KIF1B: variants seen among roughly 807,000 people sequenced by gnomAD.
The protein encoded by KIF1B is kinesin-like protein KIF1B.
In KIF1B, 76 loss-of-function variants were observed where a neutral mutation model predicts 241.9. The ratio of observed to expected loss-of-function variants is 0.31; its 90% confidence interval spans 0.26 to 0.38. The LOEUF (loss-of-function observed/expected upper bound fraction) is 0.38, where lower values mean the gene tolerates loss of function less well. Among genes scored for constraint, KIF1B ranks in the 10% least tolerant of loss-of-function variants. The probability of loss-of-function intolerance (pLI) is 1.00; values close to 1 mark genes in which losing one functional copy is unlikely to be tolerated. For synonymous variants in KIF1B, 750 were observed against 796.7 expected (o/e 0.94, Z 0.99); for missense variants, 1,622 against 2,271.4 (o/e 0.71, Z 5.81).
Position 10,300,237 on chromosome 1 carries a change from A to AAATAATAATAATAATAATAAT in KIF1B, c.2115+3002_2115+3022dup, listed in dbSNP as rs367822978. ...GGGTGATAAAGCTAGACTCAGTGTC[A>AAATAATAATAATAATAATAAT]AATAATAATAATAATAATAATAATA... On this transcript the variant is annotated intron_variant, in intron 22 of 48. Transcript: ENST00000676179. Among the ~76,000 whole-genome samples, 1,053 of 143,900 alleles carry AAATAATAATAATAATAATAAT rather than the reference A, an allele frequency of 7.3e-3. 5 individuals carry two copies. The highest frequency in any genetic ancestry group is 0.012 in the South Asian group (54 of 4,538). 94.4% of individuals were successfully genotyped at this position (143,900 alleles called of 152,430 possible).
Position 10,378,250 on chromosome 1 carries a change from G to C in KIF1B, c.*1663G>C. On this transcript the variant is annotated 3_prime_UTR_variant, in exon 49 of 49. Transcript: ENST00000676179. The stretch of plus-strand genomic sequence containing the variant: ...GCCCGGGCCCCAGGCTTTGTTGCGT[G>C]TTCCCTGCTCCTCTCCATCTGGTGT... 1 of 709,272 alleles carries C rather than the reference G, an allele frequency of 1.4e-6. No individual in the cohort carries two copies. The highest frequency in any genetic ancestry group is 2.6e-6 in the Non-Finnish European group (1 of 381,778). 43.9% of individuals were successfully genotyped at this position (709,272 alleles called of 1,614,324 possible).
In KIF1B at chr1:10,321,807, G is replaced by T. The variant is rs138671330; in HGVS notation, c.2308G>T (p.Ala770Ser). The T allele has an allele frequency of 3.1e-6, 5 of 1,614,092 alleles. No homozygotes were observed. The highest frequency in any genetic ancestry group is 4.2e-6 in the Non-Finnish European group (5 of 1,180,034). The change falls in exon 24 of 49, where the codon GCC becomes TCC. Residue 770 changes from alanine (A) to serine (S), a missense_variant. By Grantham distance (99) the Ala-to-Ser change is moderately conservative. This residue lies in a region of KIF1B where 803 missense variants were observed against 1,112.0 expected (regional missense o/e 0.72). Transcript: ENST00000676179. The part of the protein sequence containing the change: ...TSLRDLLWGN[A>S]VYLKEANAIS... ...ATTACGGGACTTACTCTGGGGCAAT[G>T]CCGTGTACCTAAAGGAGGCCAATGC...
At chr1:10,247,296 T>C (rs1647234851) in intron 2 of KIF1B, among the ~76,000 whole-genome samples, 1 of 152,248 alleles carries the variant, frequency 6.6e-6, no homozygotes, top group Non-Finnish European at 1.5e-5. Context: ...CTGGTCTTGC[T>C]GTTCCTTAAA....
chr1:10,316,379 G>C (rs80314023), intron 22 of KIF1B, among the ~76,000 whole-genome samples: 2,912 of 151,748 alleles, frequency 0.019, 51 homozygotes, highest in Non-Finnish European at 0.028. Context: ...CCAGCTCTCT[G>C]CATTGTAAAT....
intron 37 of KIF1B, among the ~76,000 whole-genome samples, chr1:10,350,390 T>C (rs2102332096): frequency 6.6e-6 from 1 of 151,830 alleles, no homozygotes; most frequent in Admixed American, 6.6e-5. Context: ...AAACCCCGTC[T>C]CTACTAAAAA....
Position 10,374,469 on chromosome 1 carries a change from A to G in KIF1B, c.5096+4A>G. 1 of 1,614,176 alleles carries G rather than the reference A, an allele frequency of 6.2e-7. No individual in the cohort carries two copies. The highest frequency in any genetic ancestry group is 8.5e-7 in the Non-Finnish European group (1 of 1,180,026). On this transcript the variant is annotated splice_donor_region_variant and intron_variant, in intron 46 of 48. Transcript: ENST00000676179. The surrounding 1 kb of genome is among the most constrained non-coding windows in gnomAD (Gnocchi z 4.3). The stretch of plus-strand genomic sequence containing the variant: ...ATATTGAAGAAATTAGACCAAGGTG[A>G]GTACTATATTGAGCAGGAATGCCAG...
At chr1:10,371,936 T>TA (rs1435837385) in intron 45 of KIF1B, among the ~76,000 whole-genome samples, 10 of 151,502 alleles carry the variant, frequency 6.6e-5, no homozygotes, top group Non-Finnish European at 1.0e-4. Flanking sequence ...ACCCTGTCCC[T>TA]AAAAAAAATA....
intron 8 of KIF1B, 77 bp downstream of exon 8, chr1:10,271,656 C>A: frequency 1.0e-6 from 1 of 966,942 alleles, no homozygotes; most frequent in Non-Finnish European, 1.7e-6. Flanking sequence ...TTTATTGAAA[C>A]ACAGCTACAT....
At chr1:10,342,807 C>T (rs1292977037) in intron 33 of KIF1B, among the ~76,000 whole-genome samples, 1 of 152,092 alleles carries the variant, frequency 6.6e-6, no homozygotes, top group African/African-American at 2.4e-5. Flanking sequence ...TTCTACACTG[C>T]AAATAGTCAT....
intron 1 of KIF1B, among the ~76,000 whole-genome samples, chr1:10,216,964 T>C (rs934541097): frequency 6.6e-5 from 3 of 45,226 alleles, no homozygotes; most frequent in Non-Finnish European, 1.4e-4. Context: ...TTTCTTTTTT[T>C]TTTTTTTTTT....
intron 2 of KIF1B, among the ~76,000 whole-genome samples, chr1:10,247,588 G>A (rs1255536843): frequency 6.6e-6 from 1 of 152,210 alleles, no homozygotes; most frequent in Non-Finnish European, 1.5e-5. Flanking sequence ...TTTACTTTAT[G>A]CTAGGCCTTG....
At position 10,297,191 on chromosome 1, in the gene KIF1B, T is replaced by A; in HGVS notation, c.2060T>A (p.Ile687Asn). 1.2e-6 allele frequency: 2 copies of A among 1,612,938 alleles called. No individual in the cohort carries two copies. The highest frequency in any genetic ancestry group is 1.7e-6 in the Non-Finnish European group (2 of 1,179,486). Residue 687 changes from isoleucine to asparagine, a missense_variant, in exon 22 of 49, where the codon ATC becomes AAC. Physicochemically the swap from Ile to Asn is moderately radical, Grantham distance 149. Around this residue, in one of 7 missense-constraint regions of KIF1B, gnomAD observed 803 missense variants for 1,112.0 expected, o/e 0.72. Coordinates refer to ENST00000676179, the MANE Select transcript of KIF1B (RefSeq NM_001365951.3). ...ACTTCTAGGCTACAGGAAATGGAGA[T>A]CTTATACAAAAAGGAGAAGGAAGAA... ...EMEKRLQEME[I>N]LYKKEKEEAD... is the part of the protein sequence containing the mutation.
At chr1:10,339,986 C>T (rs893465072) in intron 32 of KIF1B, 127 bp downstream of exon 32, 17 of 816,070 alleles carry the variant, frequency 2.1e-5, no homozygotes, top group Admixed American at 1.2e-4. Flanking sequence ...CAATAGAGGG[C>T]GTGGCTAGAG....
At chr1:10,370,768 G>A (rs1265816561) in intron 44 of KIF1B, among the ~76,000 whole-genome samples, 2 of 151,866 alleles carry the variant, frequency 1.3e-5, no homozygotes, top group Admixed American at 6.6e-5. Context: ...CACTTAGGCC[G>A]TAAAATATTT....
At chr1:10,341,228 T>A (rs968189186) in intron 32 of KIF1B, among the ~76,000 whole-genome samples, 1 of 152,260 alleles carries the variant, frequency 6.6e-6, no homozygotes, top group Non-Finnish European at 1.5e-5. Context: ...AAGGGAAAGT[T>A]ATTTCTATTA....
chr1:10,355,027 A>C (rs1468506669), intron 38 of KIF1B, among the ~76,000 whole-genome samples: 1 of 152,258 alleles, frequency 6.6e-6, no homozygotes, highest in African/African-American at 2.4e-5. Flanking sequence ...TCCTACATTT[A>C]TGTTAATGCA....
chr1:10,295,752 G>A lies in KIF1B; in HGVS notation c.1763G>A (p.Ser588Asn), dbSNP rs1650229917. Reference sequence around the variant, plus strand: ...CATTGTATCTTCCGGAGTGAGAGAAGCAACAGCGGGGAAGGTGAGCATTCC... The same window carrying A: ...CATTGTATCTTCCGGAGTGAGAGAAACAACAGCGGGGAAGGTGAGCATTCC... ...EEHCIFRSERSNSGEVIVTLE... is the reference protein window; with the variant it reads ...EEHCIFRSERNNSGEVIVTLE... The change falls in exon 19 of 49, where the codon AGC becomes AAC. Residue 588 changes from serine to asparagine, a missense_variant. Coordinates refer to ENST00000676179, the MANE Select transcript of KIF1B (RefSeq NM_001365951.3). The A allele has an allele frequency of 6.2e-7, 1 of 1,613,382 alleles. No homozygotes were observed. Among genetic ancestry groups the A allele is most frequent in the Non-Finnish European group, 8.5e-7 (1 of 1,179,554 alleles).
At chr1:10,243,864 T>C (rs887358000) in intron 2 of KIF1B, among the ~76,000 whole-genome samples, 1 of 152,200 alleles carries the variant, frequency 6.6e-6, no homozygotes, top group African/African-American at 2.4e-5. Flanking sequence ...TCAGTTTACA[T>C]GTCTTTGGGC....
chr1:10,252,198 C>A (rs1186890768), intron 2 of KIF1B, among the ~76,000 whole-genome samples: 1 of 152,068 alleles, frequency 6.6e-6, no homozygotes, highest in African/African-American at 2.4e-5. Context: ...TGCCACCATG[C>A]CTCGCTAACT....
Sources: allele counts gnomAD v4.1 joint callset (sites outside exome capture counted in the v4.1 genomes callset), GRCh38; gene constraint gnomAD v4.1.1; regional missense constraint gnomAD v4.1.1; non-coding constraint Gnocchi (gnomAD v3.1); transcripts MANE v1.5; gene names NCBI Gene and HGNC (gene_info 2026-07-23, HGNC 2026-07-21).